The following THOC5 variants were observed in gnomAD, a reference collection of about 807,000 sequenced individuals.
THOC5 encodes the protein Fms-interacting protein.
THOC5 carries 43 observed loss-of-function variants against 92.9 expected under a neutral mutation model. That is an observed-to-expected ratio of 0.46 (90% confidence interval 0.36 to 0.60). The LOEUF is 0.60. THOC5 is among the 20% of genes least tolerant of loss of function. The pLI is 0.00. For synonymous variants in THOC5, 296 were observed against 320.1 expected (o/e 0.92, Z 0.80); for missense variants, 659 against 849.4 (o/e 0.78, Z 2.79).
At chr22:29,527,829 A>G (rs1198775990) in intron 11 of THOC5, among the ~76,000 whole-genome samples, 2 of 152,226 alleles carry the variant, frequency 1.3e-5, no homozygotes, top group Admixed American at 6.5e-5. Flanking sequence ...GACTTGCTAG[A>G]TTCAGAAAGA....
intron 17 of THOC5, among the ~76,000 whole-genome samples, chr22:29,516,290 AT>A (rs535485764): frequency 2.6e-5 from 4 of 151,164 alleles, no homozygotes; most frequent in Admixed American, 1.3e-4. Context: ...TTTCTTCAGA[AT>A]TTTTTTTTTA....
Position 29,520,123 on chromosome 22 carries a change from A to T in THOC5, c.1278-19T>A. 1 of 1,609,242 alleles carries T rather than the reference A, an allele frequency of 6.2e-7. No individual in the cohort carries two copies. Among genetic ancestry groups the T allele is most frequent in the African/African-American group, 1.3e-5 (1 of 74,914 alleles). On this transcript the variant is annotated intron_variant, in intron 13 of 19. Coordinates refer to ENST00000490103, the MANE Select transcript of THOC5 (RefSeq NM_003678.5). Reference sequence around the variant, plus strand: ...CAGGATGCTGCAGAAAAGAAGATAAATAAAATTGTGCTGTAAGTCATTTCT... The same window carrying T: ...CAGGATGCTGCAGAAAAGAAGATAATTAAAATTGTGCTGTAAGTCATTTCT...
At chr22:29,537,424 T>C (rs1221518172) in intron 6 of THOC5, among the ~76,000 whole-genome samples, 1 of 152,126 alleles carries the variant, frequency 6.6e-6, no homozygotes, top group Non-Finnish European at 1.5e-5. Context: ...GCGGATCACC[T>C]GAGGTCAAGA....
chr22:29,539,109 C>CAAA (rs373724250), intron 6 of THOC5, among the ~76,000 whole-genome samples: 8 of 36,758 alleles, frequency 2.2e-4, no homozygotes, highest in African/African-American at 3.2e-4. Context: ...GACTCCATCT[C>CAAA]AAAAAAAAAA....
intron 8 of THOC5, chr22:29,531,181 G>A (rs1189756979): frequency 3.7e-6 from 4 of 1,091,612 alleles, no homozygotes; most frequent in Non-Finnish European, 4.5e-6. Context: ...CACAAGAAGA[G>A]ACAGTAATGT....
intron 5 of THOC5, 45 bp from the exon 6 acceptor site, chr22:29,539,521 A>G (rs771277216): frequency 1.3e-6 from 2 of 1,593,708 alleles, no homozygotes; most frequent in Non-Finnish European, 1.7e-6. Context: ...TCAGGAAACT[A>G]AACTGTAGTT....
At chr22:29,533,606 C>T (rs768665818) in intron 7 of THOC5, among the ~76,000 whole-genome samples, 1 of 152,060 alleles carries the variant, frequency 6.6e-6, no homozygotes, top group Non-Finnish European at 1.5e-5. Context: ...ATACCATTAG[C>T]AAAGTGAAAA....
At chr22:29,551,558 T>A (rs1385118483) in intron 1 of THOC5, among the ~76,000 whole-genome samples, 1 of 151,842 alleles carries the variant, frequency 6.6e-6, no homozygotes, top group Non-Finnish European at 1.5e-5. Flanking sequence ...AAGACCAGAG[T>A]GGGCAACAGA....
At chr22:29,527,959 T>C (rs2063575618) in intron 11 of THOC5, 119 bp downstream of exon 11, 6 of 859,010 alleles carry the variant, frequency 7.0e-6, no homozygotes, top group Non-Finnish European at 9.1e-6. Context: ...AACAAAGCAA[T>C]ATGAAATGGG....
At chr22:29,541,391 C>T (rs2063877655) in intron 5 of THOC5, among the ~76,000 whole-genome samples, 1 of 150,698 alleles carries the variant, frequency 6.6e-6, no homozygotes, top group African/African-American at 2.4e-5. Flanking sequence ...CCAATAGTCC[C>T]AGCTACTCAG....
At chr22:29,551,486 T>C (rs1470375152) in intron 1 of THOC5, among the ~76,000 whole-genome samples, 1 of 151,962 alleles carries the variant, frequency 6.6e-6, no homozygotes, top group South Asian at 2.1e-4. Flanking sequence ...ACACCTGTAA[T>C]CCCAACACTT....
intron 17 of THOC5, 101 bp downstream of exon 17, chr22:29,516,928 T>A: frequency 9.0e-7 from 1 of 1,109,388 alleles, no homozygotes; most frequent in Non-Finnish European, 1.4e-6. Context: ...TGTTAAGTCC[T>A]TGCAGGACTC....
At chr22:29,521,572 G>A (rs890143339) in intron 12 of THOC5, among the ~76,000 whole-genome samples, 2 of 152,140 alleles carry the variant, frequency 1.3e-5, no homozygotes, top group African/African-American at 4.8e-5. Flanking sequence ...CAAGTGTATA[G>A]CTTTGGTGCT....
At chr22:29,525,754 G>C in intron 12 of THOC5, 84 bp downstream of exon 12, 2 of 1,102,456 alleles carry the variant, frequency 1.8e-6, no homozygotes, top group Admixed American at 3.6e-5. Flanking sequence ...CAGAGCCAGA[G>C]GGAGGAACCG....
At chr22:29,526,697 G>A (rs1319045677) in intron 11 of THOC5, among the ~76,000 whole-genome samples, 3 of 151,928 alleles carry the variant, frequency 2.0e-5, no homozygotes, top group Non-Finnish European at 4.4e-5. Flanking sequence ...AAGATGGAAA[G>A]GGAACCAAGC....
In THOC5 at chr22:29,525,824, C is replaced by T. The variant is rs202085118; in HGVS notation, c.1175+14G>A. ...CCATCCCGCACGTCATTGCCCAGAG[C>T]GCCTGCTCAATACCCTGCACTGATG... On this transcript the variant is annotated intron_variant, in intron 12 of 19. Coordinates refer to ENST00000490103, the MANE Select transcript of THOC5 (RefSeq NM_003678.5). The T allele has an allele frequency of 5.7e-5, 91 of 1,606,080 alleles. No individual in the cohort carries two copies. In the East Asian group the frequency reaches 1.2e-3, roughly 22 times the overall value.
intron 5 of THOC5, among the ~76,000 whole-genome samples, chr22:29,540,240 C>A (rs2063853123): frequency 6.6e-6 from 1 of 152,090 alleles, no homozygotes; most frequent in African/African-American, 2.4e-5. Context: ...CCATTGCACT[C>A]CAGCCTGGGA....
chr22:29,528,085 C>T lies in THOC5; in HGVS notation c.1059G>A (p.Lys353=), dbSNP rs1393046035. 6 of 1,614,206 alleles carry T rather than the reference C, an allele frequency of 3.7e-6. No individual in the cohort carries two copies. Among genetic ancestry groups the T allele is most frequent in the Non-Finnish European group, 4.2e-6 (5 of 1,180,024 alleles). The change falls in exon 11 of 20, where the codon AAG becomes AAA. Residue 353 remains lysine (K), a synonymous_variant. Transcript: ENST00000490103. ...AGGTGAGTGCAACCAGACCTTTGCA[C>T]TTCAGGTCGAGCATGACAGACAGTG... is the stretch of plus-strand genomic sequence containing the variant. ...RHPLSVMLDL[K]CKDDSVLHLT... is the part of the protein sequence containing the mutation.
chr22:29,533,011 G>C (rs1330374113), intron 7 of THOC5, among the ~76,000 whole-genome samples: 1 of 152,018 alleles, frequency 6.6e-6, no homozygotes, highest in South Asian at 2.1e-4. Flanking sequence ...CAAATGAAAG[G>C]CATATAAGCC....
Sources: gnomAD v4.1 joint callset for allele counts (sites outside exome capture counted in the v4.1 genomes callset) on GRCh38, gnomAD v4.1.1 for gene constraint, MANE v1.5 for transcripts, NCBI Gene and HGNC (gene_info 2026-07-23, HGNC 2026-07-21) for gene names.